MYO3A: variants seen among roughly 807,000 people sequenced by gnomAD.
MYO3A encodes the protein myosin IIIA, also known as myosin-IIIa.
In MYO3A, 180 loss-of-function variants were observed where a neutral mutation model predicts 192.7. The observed-to-expected ratio is 0.93, with a 90% CI of 0.83 to 1.06. MYO3A has a LOEUF of 1.06. Among genes scored for constraint, MYO3A ranks in the 50% least tolerant of loss-of-function variants. The pLI, the probability that MYO3A is intolerant of heterozygous loss-of-function variation, is 0.00. For synonymous variants in MYO3A, 628 were observed against 645.3 expected, an observed-to-expected ratio of 0.97 and a Z score of 0.41; for missense variants, 1,896 against 1,905.0, an observed-to-expected ratio of 1.00 and a Z score of 0.09.
intron 31 of MYO3A, among the ~76,000 whole-genome samples, chr10:26,184,945 A>G (rs1842792332): frequency 1.3e-5 from 2 of 152,236 alleles, no homozygotes; most frequent in Non-Finnish European, 2.9e-5. Flanking sequence ...CAGATCCATT[A>G]GAGGCCAAAT....
intron 26 of MYO3A, among the ~76,000 whole-genome samples, chr10:26,160,190 G>A (rs937278174): frequency 2.0e-5 from 3 of 152,264 alleles, no homozygotes; most frequent in African/African-American, 4.8e-5. Context: ...ACCATGCTAA[G>A]CACTGTGGGA....
chr10:26,098,204 A>G (rs1837181982), intron 17 of MYO3A, among the ~76,000 whole-genome samples: 1 of 152,196 alleles, frequency 6.6e-6, no homozygotes, highest in Admixed American at 6.5e-5. Flanking sequence ...TGCTGGCTGC[A>G]TAAATGTCTT....
At chr10:26,146,530 C>A (rs1840474248) in intron 22 of MYO3A, among the ~76,000 whole-genome samples, 1 of 152,158 alleles carries the variant, frequency 6.6e-6, no homozygotes, top group Non-Finnish European at 1.5e-5. Context: ...TGGCTACCTT[C>A]TCAAGGTGTC....
chr10:26,107,481 CAAA>C (rs1271959522), intron 17 of MYO3A, among the ~76,000 whole-genome samples: 4 of 74,408 alleles, frequency 5.4e-5, no homozygotes, highest in Admixed American at 1.6e-4. Context: ...AACACCATCT[CAAA>C]AAAAAAAAAA....
intron 10 of MYO3A, among the ~76,000 whole-genome samples, chr10:26,040,975 AT>A (rs1023499327): frequency 6.6e-6 from 1 of 152,100 alleles, no homozygotes; most frequent in African/African-American, 2.4e-5. Context: ...GATTTATTCA[AT>A]GCTGAAGGTG....
At position 26,212,182 on chromosome 10, in the gene MYO3A, T is replaced by G; in HGVS notation, c.*219T>G. 2 of 627,612 alleles carry G rather than the reference T, an allele frequency of 3.2e-6. No homozygotes were observed. Among genetic ancestry groups the G allele is most frequent in the Non-Finnish European group, 5.2e-6 (2 of 382,106 alleles). 38.9% of individuals were successfully genotyped at this position (627,612 alleles called of 1,614,324 possible). ...CCTCGGGAAACCTCCCCCGACGCTC[T>G]CTCTCGGAACTCCCGCACCCTCCTT... On this transcript the variant is annotated 3_prime_UTR_variant, in exon 35 of 35. Coordinates refer to ENST00000642920, the MANE Select transcript of MYO3A (RefSeq NM_017433.5).
In MYO3A at chr10:26,080,398, A is replaced by G. The variant is rs1196887; in HGVS notation, c.1360-7805A>G. ...TTTTTTATTGCTTTTTCTTTAAGCT[A>G]TCTATTTCCTTGAATATTTCTCCCT... On this transcript the variant is annotated intron_variant, in intron 14 of 34. Coordinates refer to ENST00000642920, the MANE Select transcript of MYO3A (RefSeq NM_017433.5). Among the ~76,000 whole-genome samples, 1,406 of 152,084 alleles carry G rather than the reference A, an allele frequency of 9.2e-3. 50 individuals are homozygous for G. Among genetic ancestry groups the G allele is most frequent in the Admixed American group, 0.061 (939 of 15,286 alleles).
At chr10:26,105,508 A>G (rs1261895237) in intron 17 of MYO3A, among the ~76,000 whole-genome samples, 1 of 152,036 alleles carries the variant, frequency 6.6e-6, no homozygotes, top group Non-Finnish European at 1.5e-5. Flanking sequence ...ACTCTTATGA[A>G]TTGTATATTT....
chr10:25,990,945 C>G (rs1332175817), intron 4 of MYO3A, among the ~76,000 whole-genome samples: 2 of 152,104 alleles, frequency 1.3e-5, no homozygotes, highest in Non-Finnish European at 2.9e-5. Context: ...CAAGTCTTTG[C>G]TATTGTGAGT....
intron 17 of MYO3A, among the ~76,000 whole-genome samples, chr10:26,118,717 C>T (rs1246952381): frequency 2.6e-5 from 4 of 151,792 alleles, no homozygotes; most frequent in African/African-American, 7.3e-5. Context: ...CTGAAGCCTC[C>T]GCCTCCTGGG....
intron 15 of MYO3A, among the ~76,000 whole-genome samples, chr10:26,088,798 T>G (rs576679460): frequency 2.6e-5 from 4 of 152,378 alleles, no homozygotes; most frequent in African/African-American, 9.6e-5. Flanking sequence ...TTGTATTCTA[T>G]TCTTCCTATG....
chr10:26,066,354 T>G (rs1834846236), intron 10 of MYO3A, among the ~76,000 whole-genome samples: 1 of 152,138 alleles, frequency 6.6e-6, no homozygotes, highest in Non-Finnish European at 1.5e-5. Context: ...ATCCCCAAAA[T>G]AAAATGGATG....
At chr10:25,954,380 C>A (rs570136000) in intron 3 of MYO3A, among the ~76,000 whole-genome samples, 5 of 152,070 alleles carry the variant, frequency 3.3e-5, no homozygotes, top group African/African-American at 1.2e-4. Context: ...TTTGTGCAAT[C>A]TTTTATAACT....
At chr10:26,169,453 A>G (rs1227511316) in intron 28 of MYO3A, among the ~76,000 whole-genome samples, 3 of 150,270 alleles carry the variant, frequency 2.0e-5, no homozygotes, top group African/African-American at 7.4e-5. Context: ...TTGACTGGAT[A>G]CTTAGAGAAA....
chr10:26,142,676 C>T (rs1031686899), intron 20 of MYO3A, among the ~76,000 whole-genome samples: 4 of 152,104 alleles, frequency 2.6e-5, no homozygotes, highest in Admixed American at 2.0e-4. Flanking sequence ...GTGGCAGAGC[C>T]GAGATGAACC....
chr10:26,095,010 A>C (rs1167886843), intron 15 of MYO3A, among the ~76,000 whole-genome samples: 2 of 152,132 alleles, frequency 1.3e-5, no homozygotes, highest in African/African-American at 4.8e-5. Context: ...TTTGCAGATA[A>C]AGGCTGTGGA....
At chr10:26,147,102 T>C (rs1484232972) in intron 22 of MYO3A, among the ~76,000 whole-genome samples, 2 of 152,194 alleles carry the variant, frequency 1.3e-5, no homozygotes, top group Admixed American at 1.3e-4. Context: ...CCTTTGTGGC[T>C]CAATATGCTT....
At chr10:26,175,243 T>C (rs1436103176) in intron 30 of MYO3A, among the ~76,000 whole-genome samples, 2 of 152,232 alleles carry the variant, frequency 1.3e-5, no homozygotes, top group South Asian at 4.1e-4. Flanking sequence ...ACATACAATT[T>C]ATCTCCTATA....
At chr10:26,179,525 C>T (rs1842510181) in intron 31 of MYO3A, among the ~76,000 whole-genome samples, 1 of 152,188 alleles carries the variant, frequency 6.6e-6, no homozygotes, top group Admixed American at 6.5e-5. Context: ...TTATATCAGT[C>T]TATTGTAAAA....
Sources: gnomAD v4.1 joint callset for allele counts (sites outside exome capture counted in the v4.1 genomes callset) on GRCh38, gnomAD v4.1.1 for gene constraint, MANE v1.5 for transcripts, NCBI Gene and HGNC (gene_info 2026-07-23, HGNC 2026-07-21) for gene names.